Variants in TSC22D1 observed in about 807,000 individuals in gnomAD.
TSC22D1 encodes TSC22 domain family member 1.
A neutral mutation model predicts 74.2 loss-of-function variants in TSC22D1; 9 were observed. The ratio of observed to expected loss-of-function variants is 0.12; its 90% confidence interval spans 0.07 to 0.21. The LOEUF is 0.21. Ranked by LOEUF, TSC22D1 falls within the 10% of genes least tolerant of loss-of-function variation. The probability of loss-of-function intolerance (pLI) is 1.00; values close to 1 mark genes in which losing one functional copy is unlikely to be tolerated. For synonymous variants in TSC22D1, 586 were observed against 492.5 expected (o/e 1.19, Z -2.51); for missense variants, 1,427 against 1,304.7 (o/e 1.09, Z -1.44).
chr13:44,480,978 A>C (rs1878151316), intron 1 of TSC22D1, among the ~76,000 whole-genome samples: 1 of 152,118 alleles, frequency 6.6e-6, no homozygotes. Context: ...TACAAAGAAA[A>C]CCTACTATAA....
At chr13:44,470,387 A>G (rs1288394257) in intron 1 of TSC22D1, among the ~76,000 whole-genome samples, 1 of 152,188 alleles carries the variant, frequency 6.6e-6, no homozygotes, top group African/African-American at 2.4e-5. Context: ...TCCAATTACC[A>G]GAGCAGGTAA....
intron 1 of TSC22D1, among the ~76,000 whole-genome samples, chr13:44,450,348 A>G (rs533382376): frequency 2.6e-5 from 4 of 152,356 alleles, no homozygotes; most frequent in Non-Finnish European, 5.9e-5. Flanking sequence ...GGGGCCTCAC[A>G]GGCCATGTGA....
At chr13:44,476,953 G>A (rs899802805) in intron 1 of TSC22D1, among the ~76,000 whole-genome samples, 4 of 152,034 alleles carry the variant, frequency 2.6e-5, no homozygotes, top group African/African-American at 9.7e-5. Context: ...ACAGGCACGA[G>A]TTGCCACACC....
chr13:44,484,706 A>C (rs1188026587), intron 1 of TSC22D1, among the ~76,000 whole-genome samples: 1 of 152,246 alleles, frequency 6.6e-6, no homozygotes, highest in Non-Finnish European at 1.5e-5. Flanking sequence ...ATAATAGTAC[A>C]TATGCAGCAC....
At chr13:44,448,724 G>A (rs926232000) in intron 1 of TSC22D1, among the ~76,000 whole-genome samples, 1 of 152,106 alleles carries the variant, frequency 6.6e-6, no homozygotes, top group Non-Finnish European at 1.5e-5. Context: ...AAGCAAAATG[G>A]ACCTTGGAGA....
chr13:44,567,150 C>T (rs1030739621), intron 1 of TSC22D1, among the ~76,000 whole-genome samples: 5 of 152,202 alleles, frequency 3.3e-5, no homozygotes, highest in African/African-American at 1.2e-4. Flanking sequence ...GGGGATCCCC[C>T]AAAACCTTTC....
chr13:44,567,967 A>AG (rs144416475), intron 1 of TSC22D1, among the ~76,000 whole-genome samples: 2,331 of 152,294 alleles, frequency 0.015, 59 homozygotes, highest in African/African-American at 0.053. Flanking sequence ...GAGGAAGAAA[A>AG]GGAAGAAGGA....
rs1182738630 is a variant in TSC22D1 at position 44,573,869 on chromosome 13, C to T, written c.2206G>A (p.Ala736Thr). The change falls in exon 1 of 3, where the codon GCA (alanine) becomes ACA (threonine). Residue 736 changes from alanine (A) to threonine (T), a missense_variant. Coordinates refer to ENST00000458659, the MANE Select transcript of TSC22D1 (RefSeq NM_183422.4). The part of the protein sequence containing the change: ...GSQIANIGQQ[A>T]NIPTAVQQPS... ...TGCTGCACTGCAGTAGGTATGTTTGCTTGCTGACCAATATTTGCAATCTGA... is the reference window on the plus strand; with the variant it reads ...TGCTGCACTGCAGTAGGTATGTTTGTTTGCTGACCAATATTTGCAATCTGA... 2.5e-6 allele frequency: 4 copies of T among 1,614,212 alleles called. No homozygotes were observed. The Admixed American group carries it at 5.0e-5, about 20-fold the overall frequency.
intron 1 of TSC22D1, chr13:44,437,099 A>G (rs751622038): frequency 6.5e-4 from 637 of 981,854 alleles, no homozygotes; most frequent in Non-Finnish European, 7.2e-4. Flanking sequence ...GGCGGCCTCA[A>G]AACACTGGGC....
intron 1 of TSC22D1, among the ~76,000 whole-genome samples, chr13:44,499,634 C>T (rs1879133631): frequency 6.6e-6 from 1 of 152,178 alleles, no homozygotes; most frequent in Non-Finnish European, 1.5e-5. Flanking sequence ...AAGCATTTCC[C>T]CCAAGTTAAT....
Position 44,575,120 on chromosome 13 carries a change from T to C in TSC22D1, c.955A>G (p.Thr319Ala). The part of the protein sequence containing the change: ...GTSTVNNVNI[T>A]AVGSFNPNVT... Reference sequence around the variant, plus strand: ...TTAGGATTAAAACTACCCACAGCAGTAATGTTAACATTATTTACTGTACTA... The same window carrying C: ...TTAGGATTAAAACTACCCACAGCAGCAATGTTAACATTATTTACTGTACTA... The change falls in exon 1 of 3, where the codon ACT (threonine) becomes GCT (alanine). Residue 319 changes from threonine (T) to alanine (A), a missense_variant. Transcript: ENST00000458659. 2 of 1,614,236 alleles carry C rather than the reference T, an allele frequency of 1.2e-6. No homozygotes were observed. The highest frequency in any genetic ancestry group is 1.7e-6 in the Non-Finnish European group (2 of 1,180,048).
intron 1 of TSC22D1, among the ~76,000 whole-genome samples, chr13:44,532,455 A>G (rs1224532465): frequency 6.6e-6 from 1 of 151,900 alleles, no homozygotes. Flanking sequence ...CAGAAGCTGC[A>G]GTGCGCTCAC....
In TSC22D1 at chr13:44,574,903, C is replaced by G; in HGVS notation, c.1172G>C (p.Gly391Ala). 1.2e-6 allele frequency: 2 copies of G among 1,614,080 alleles called. No homozygotes were observed. The highest frequency in any genetic ancestry group is 1.7e-6 in the Non-Finnish European group (2 of 1,180,018). ...VPNAAAGMTG[G>A]SVSSQQQQPT... ...TTGTTGCTGCTGACTTGAAACCGAT[C>G]CCCCAGTCATCCCTGCAGCTGCATT... Residue 391 changes from glycine to alanine, a missense_variant, in exon 1 of 3, where the codon GGA becomes GCA. Transcript: ENST00000458659.
At chr13:44,552,300 T>G (rs1882333482) in intron 1 of TSC22D1, among the ~76,000 whole-genome samples, 1 of 152,234 alleles carries the variant, frequency 6.6e-6, no homozygotes, top group African/African-American at 2.4e-5. Context: ...ACAAGAATGT[T>G]CAATTGGCTC....
Position 44,446,760 on chromosome 13 carries a change from A to G in TSC22D1, c.2913-10665T>C, listed in dbSNP as rs890604554. Among the ~76,000 whole-genome samples the G allele has an allele frequency of 2.1e-4, 8 of 37,544 alleles. No individual in the cohort carries two copies. The East Asian group carries it at 5.3e-3, about 25-fold the overall frequency. The allele number at this position is 37,544 out of a possible 152,430, so 24.6% of individuals were successfully genotyped here. A position where few individuals can be genotyped will look rare whatever the true frequency, so the allele number is the denominator to read the frequency against. ...GAAGAATGAAAAAAAAAAAAGAAGA[A>G]GAAGAAGAGGAAGAAGAGGAAGAAG... On this transcript the variant is annotated intron_variant, in intron 1 of 2. Transcript: ENST00000458659.
At chr13:44,487,534 AAAAAG>A (rs1207990378) in intron 1 of TSC22D1, among the ~76,000 whole-genome samples, 1 of 150,236 alleles carries the variant, frequency 6.7e-6, no homozygotes, top group Admixed American at 6.6e-5. Flanking sequence ...AAAAGAAAAG[AAAAAG>A]AAATTACCAG....
intron 1 of TSC22D1, among the ~76,000 whole-genome samples, chr13:44,479,519 A>G (rs989644026): frequency 1.3e-5 from 2 of 152,156 alleles, no homozygotes; most frequent in Admixed American, 1.3e-4. Context: ...TTGTTAGAAA[A>G]TTATTGACTT....
At position 44,536,926 on chromosome 13, in the gene TSC22D1, GAAAAAAAAA is replaced by G. The variant is rs10596156; in HGVS notation, c.2912+36228_2912+36236del. 1.4e-3 allele frequency: 707 copies of G among 495,206 alleles called. 2 individuals are homozygous for G. Among genetic ancestry groups the G allele is most frequent in the Non-Finnish European group, 1.6e-3 (687 of 433,668 alleles). The allele number at this position is 495,206 out of a possible 1,614,324, so 30.7% of individuals were successfully genotyped here. A position where few individuals can be genotyped will look rare whatever the true frequency, so the allele number is the denominator to read the frequency against. ...TAACAGTTCAAAAAAGTATTTTTCT[GAAAAAAAAA>G]AAAAAAAAAAAAAAAAAAAAAAAAC... On this transcript the variant is annotated intron_variant, in intron 1 of 2. Transcript: ENST00000458659.
upstream of TSC22D1, chr13:44,576,349 C>G (rs1884248632): frequency 2.3e-6 from 1 of 436,226 alleles, no homozygotes. Context: ...GCCTCACACC[C>G]CCCTTTATAT....
Sources: gnomAD v4.1 joint callset for allele counts (sites outside exome capture counted in the v4.1 genomes callset) on GRCh38, gnomAD v4.1.1 for gene constraint, MANE v1.5 for transcripts, NCBI Gene and HGNC (gene_info 2026-07-23, HGNC 2026-07-21) for gene names.